The following ZMIZ1 variants were observed in gnomAD, a reference collection of about 807,000 sequenced individuals.
The protein encoded by ZMIZ1 is zinc finger MIZ domain-containing protein 1.
In ZMIZ1, 17 loss-of-function variants were observed where a neutral mutation model predicts 113.9. That is an observed-to-expected ratio of 0.15 (90% CI 0.10 to 0.22). The LOEUF is 0.22. Ranked by LOEUF, ZMIZ1 falls within the 10% of genes least tolerant of loss-of-function variation. ZMIZ1 has a pLI of 1.00. For synonymous variants in ZMIZ1, 607 were observed against 603.1 expected (o/e 1.01, Z -0.09); for missense variants, 1,059 against 1,477.8 (o/e 0.72, Z 4.65).
intron 10 of ZMIZ1, 81 bp downstream of exon 10, chr10:79,291,257 C>G (rs868562716): frequency 6.6e-5 from 94 of 1,422,336 alleles, no homozygotes; most frequent in Middle Eastern, 2.2e-4. Context: ...CACTTAAATC[C>G]CAGCTCCACG....
intron 1 of ZMIZ1, among the ~76,000 whole-genome samples, chr10:79,080,673 T>G (rs968075809): frequency 6.6e-6 from 1 of 152,110 alleles, no homozygotes; most frequent in African/African-American, 2.4e-5. Flanking sequence ...TGACGTCAGT[T>G]TATCTCCTGC....
At chr10:79,252,725 G>A (rs879624920) in intron 7 of ZMIZ1, among the ~76,000 whole-genome samples, 6 of 152,212 alleles carry the variant, frequency 3.9e-5, no homozygotes, top group Non-Finnish European at 1.5e-5. Flanking sequence ...GTGTGTGAGT[G>A]TGTGCAGGCA....
chr10:79,087,384 G>A (rs1180761084), intron 1 of ZMIZ1, among the ~76,000 whole-genome samples: 2 of 152,120 alleles, frequency 1.3e-5, no homozygotes, highest in African/African-American at 4.8e-5. Flanking sequence ...CTTCCCCAGG[G>A]CTGTACCCCG....
chr10:79,217,042 T>C (rs1163205533), intron 7 of ZMIZ1, among the ~76,000 whole-genome samples: 3 of 152,238 alleles, frequency 2.0e-5, no homozygotes, highest in African/African-American at 7.2e-5. Context: ...GCTAAGTGTG[T>C]GGTCTCTGAG....
chr10:79,117,156 A>G (rs1844069368), intron 1 of ZMIZ1, among the ~76,000 whole-genome samples: 1 of 152,278 alleles, frequency 6.6e-6, no homozygotes, highest in African/African-American at 2.4e-5. Flanking sequence ...AGGCAAGGCC[A>G]GAAATGGCAG....
intron 3 of ZMIZ1, among the ~76,000 whole-genome samples, chr10:79,160,040 T>G (rs1846047182): frequency 6.6e-6 from 1 of 152,236 alleles, no homozygotes; most frequent in South Asian, 2.1e-4. Context: ...TTATTTTCTC[T>G]CTGTCAGCGG....
At chr10:79,247,337 C>T (rs373921755) in intron 7 of ZMIZ1, among the ~76,000 whole-genome samples, 5 of 152,148 alleles carry the variant, frequency 3.3e-5, no homozygotes, top group African/African-American at 9.7e-5. Flanking sequence ...GTGAGTCCCT[C>T]GGGGAAGCTC....
intron 1 of ZMIZ1, among the ~76,000 whole-genome samples, chr10:79,106,920 G>C (rs1843580767): frequency 6.6e-6 from 1 of 152,348 alleles, no homozygotes; most frequent in African/African-American, 2.4e-5. Context: ...TATTGTTCTT[G>C]AGTGCCCCTG....
intron 1 of ZMIZ1, among the ~76,000 whole-genome samples, chr10:79,076,430 A>G (rs1842477757): frequency 6.6e-6 from 1 of 152,194 alleles, no homozygotes; most frequent in South Asian, 2.1e-4. Flanking sequence ...TGGCATTCCC[A>G]GACTCCCAGA....
At chr10:79,246,829 G>T (rs1850232738) in intron 7 of ZMIZ1, among the ~76,000 whole-genome samples, 1 of 152,204 alleles carries the variant, frequency 6.6e-6, no homozygotes, top group Admixed American at 6.5e-5. Context: ...GACACCACAG[G>T]CAGGGAAGGA....
intron 1 of ZMIZ1, among the ~76,000 whole-genome samples, chr10:79,101,576 T>G (rs1843364845): frequency 6.6e-6 from 1 of 152,156 alleles, no homozygotes; most frequent in South Asian, 2.1e-4. Flanking sequence ...GTGTATCTTA[T>G]TGGCACGGCC....
intron 1 of ZMIZ1, among the ~76,000 whole-genome samples, chr10:79,074,063 A>T (rs553015872): frequency 6.6e-6 from 1 of 152,306 alleles, no homozygotes; most frequent in Non-Finnish European, 1.5e-5. Flanking sequence ...TCTCCTTTGT[A>T]TGGTACTTGG....
intron 4 of ZMIZ1, among the ~76,000 whole-genome samples, chr10:79,186,397 G>T (rs1256293129): frequency 6.6e-6 from 1 of 152,236 alleles, no homozygotes; most frequent in Non-Finnish European, 1.5e-5. Flanking sequence ...AGACTGGCGT[G>T]TCCCAGGCTG....
intron 1 of ZMIZ1, among the ~76,000 whole-genome samples, chr10:79,097,423 C>T (rs994968722): frequency 1.3e-5 from 2 of 152,312 alleles, no homozygotes; most frequent in Admixed American, 6.5e-5. Flanking sequence ...CAGGGGTCCC[C>T]GGACAAGCCC....
At chr10:79,289,185 C>T (rs1056153132) in intron 8 of ZMIZ1, among the ~76,000 whole-genome samples, 1 of 151,856 alleles carries the variant, frequency 6.6e-6, no homozygotes, top group African/African-American at 2.4e-5. Context: ...GGGGTGGGGG[C>T]AGGAGAGGGT....
intron 4 of ZMIZ1, among the ~76,000 whole-genome samples, chr10:79,184,276 G>A (rs1245642612): frequency 6.6e-6 from 1 of 152,182 alleles, no homozygotes; most frequent in African/African-American, 2.4e-5. Flanking sequence ...CCCTGCCCCT[G>A]CCTCTCCTTC....
chr10:79,289,737 G>T (rs780684476), intron 8 of ZMIZ1, 38 bp from the exon 9 acceptor site: 17 of 1,589,840 alleles, frequency 1.1e-5, no homozygotes, highest in Non-Finnish European at 1.4e-5. Context: ...GTCTGTGCCT[G>T]CCAGGCCCTG....
chr10:79,171,779 T>C (rs1166647131), intron 4 of ZMIZ1, among the ~76,000 whole-genome samples: 2 of 152,076 alleles, frequency 1.3e-5, no homozygotes, highest in East Asian at 3.9e-4. Context: ...TTCAAGAATT[T>C]CAGGTGGGGC....
At chr10:79,095,168 A>G (rs1317383316) in intron 1 of ZMIZ1, among the ~76,000 whole-genome samples, 1 of 152,142 alleles carries the variant, frequency 6.6e-6, no homozygotes, top group Non-Finnish European at 1.5e-5. Context: ...TTTCATGGGT[A>G]GAAAGTGGGA....
Sources: allele counts gnomAD v4.1 joint callset (sites outside exome capture counted in the v4.1 genomes callset), GRCh38; gene constraint gnomAD v4.1.1; transcripts MANE v1.5; gene names NCBI Gene and HGNC (gene_info 2026-07-23, HGNC 2026-07-21).